Variants in JAM3 observed in about 807,000 individuals in gnomAD.
JAM3 encodes junctional adhesion molecule 3.
A neutral mutation model predicts 39.4 loss-of-function variants in JAM3; 31 were observed. The ratio of observed to expected loss-of-function variants is 0.79; its 90% CI spans 0.59 to 1.06. The LOEUF (loss-of-function observed/expected upper bound fraction) is 1.06. Among genes scored for constraint, JAM3 ranks in the 50% least tolerant of loss-of-function variants. JAM3 has a pLI of 0.00. For synonymous variants in JAM3, 182 were observed against 148.7 expected (o/e 1.22, Z -1.63); for missense variants, 455 against 391.4 (o/e 1.16, Z -1.37).
At chr11:134,111,117 C>T (rs527499711) in intron 1 of JAM3, among the ~76,000 whole-genome samples, 1 of 149,990 alleles carries the variant, frequency 6.7e-6, no homozygotes, top group African/African-American at 2.5e-5. Context: ...CTGTACCATA[C>T]CCAACACACA....
rs1382016909 is a variant in JAM3 at position 134,148,545 on chromosome 11, A to T, written c.713-2A>T. ...GCTTCCACCAAACCTCCTTTTCTTC[A>T]GATGACCTGAACATTGGCGGAATTA... On this transcript the variant is annotated splice_acceptor_variant, in intron 6 of 8. Transcript: ENST00000299106. LOFTEE classifies it high-confidence loss of function. The T allele has an allele frequency of 6.2e-7, 1 of 1,614,158 alleles. No individual in the cohort carries two copies.
intron 1 of JAM3, among the ~76,000 whole-genome samples, chr11:134,120,828 G>A (rs1214181581): frequency 2.6e-5 from 4 of 152,192 alleles, no homozygotes; most frequent in Non-Finnish European, 5.9e-5. Context: ...AAATTTGTGG[G>A]CTGAGACTAA....
Position 134,149,620 on chromosome 11 carries a change from C to A in JAM3, c.*439C>A. 2 of 462,254 alleles carry A rather than the reference C, an allele frequency of 4.3e-6. No homozygotes were observed. The highest frequency in any genetic ancestry group is 8.7e-6 in the Non-Finnish European group (2 of 231,060). 28.6% of individuals were successfully genotyped at this position (462,254 alleles called of 1,614,324 possible). On this transcript the variant is annotated 3_prime_UTR_variant, in exon 9 of 9. Coordinates refer to ENST00000299106, the MANE Select transcript of JAM3 (RefSeq NM_032801.5). ...CACCAGCAGCGCATCCCGGCGGGAA[C>A]CCAGAAAAGGCTTCTTACACAGCAG...
Position 134,149,612 on chromosome 11 carries a change from G to A in JAM3, c.*431G>A, listed in dbSNP as rs780687633. On this transcript the variant is annotated 3_prime_UTR_variant, in exon 9 of 9. Coordinates refer to ENST00000299106, the MANE Select transcript of JAM3 (RefSeq NM_032801.5). Reference sequence around the variant, plus strand: ...CTGGACAGCACCAGCAGCGCATCCCGGCGGGAACCCAGAAAAGGCTTCTTA... The same window carrying A: ...CTGGACAGCACCAGCAGCGCATCCCAGCGGGAACCCAGAAAAGGCTTCTTA... The A allele has an allele frequency of 3.7e-5, 17 of 463,976 alleles. No homozygotes were observed. Among genetic ancestry groups the A allele is most frequent in the South Asian group, 1.9e-4 (12 of 64,654 alleles). The allele number at this position is 463,976 out of a possible 1,614,324, so 28.7% of individuals were successfully genotyped here.
intron 1 of JAM3, among the ~76,000 whole-genome samples, chr11:134,130,596 G>A (rs554816714): frequency 6.6e-6 from 1 of 152,240 alleles, no homozygotes; most frequent in African/African-American, 2.4e-5. Context: ...TCAGTCAAAC[G>A]AAGATTATAG....
At chr11:134,145,201 G>C in intron 5 of JAM3, 1 of 612,942 alleles carries the variant, frequency 1.6e-6, no homozygotes, top group Non-Finnish European at 2.9e-6. Flanking sequence ...GGAAGAGAAA[G>C]AAACCATAGA....
chr11:134,084,421 G>C (rs547982590), intron 1 of JAM3, among the ~76,000 whole-genome samples: 200 of 152,224 alleles, frequency 1.3e-3, no homozygotes, highest in African/African-American at 4.5e-3. Context: ...TAGCTTTGTG[G>C]GGTTGTTTTA....
intron 1 of JAM3, chr11:134,126,572 A>T (rs983167890): frequency 2.0e-5 from 3 of 152,234 alleles, no homozygotes; most frequent in Non-Finnish European, 2.9e-5. Context: ...ACAGAAGTGC[A>T]TGTTGCCTGA....
At chr11:134,069,758 C>T (rs1329610583) in intron 1 of JAM3, among the ~76,000 whole-genome samples, 1 of 152,168 alleles carries the variant, frequency 6.6e-6, no homozygotes, top group Non-Finnish European at 1.5e-5. Context: ...TAGCTGAGGA[C>T]CGGCGAGGCA....
intron 1 of JAM3, chr11:134,123,919 C>T (rs909159556): frequency 8.5e-7 from 1 of 1,182,690 alleles, no homozygotes; most frequent in Non-Finnish European, 1.3e-6. Flanking sequence ...GAATTGAAGG[C>T]CCCCCTTCTT....
chr11:134,105,365 G>T (rs1267324034), intron 1 of JAM3, among the ~76,000 whole-genome samples: 2 of 151,970 alleles, frequency 1.3e-5, no homozygotes, highest in African/African-American at 4.8e-5. Context: ...AAAATAATAA[G>T]AGTTATTTAT....
chr11:134,137,476 T>C (rs147848689), intron 1 of JAM3, among the ~76,000 whole-genome samples: 376 of 152,326 alleles, frequency 2.5e-3, no homozygotes, highest in African/African-American at 7.8e-3. Flanking sequence ...TGTGATTGGG[T>C]TGTCCAGTCA....
chr11:134,146,143 C>A, intron 6 of JAM3, 98 bp downstream of exon 6: 1 of 865,082 alleles, frequency 1.2e-6, no homozygotes, highest in Non-Finnish European at 1.9e-6. Flanking sequence ...ACTCTTCCGC[C>A]ATGGGTTAGC....
chr11:134,085,660 A>C (rs1941736033), intron 1 of JAM3, among the ~76,000 whole-genome samples: 1 of 152,156 alleles, frequency 6.6e-6, no homozygotes, highest in Non-Finnish European at 1.5e-5. Context: ...GTATTGACCT[A>C]CTAATTTAAA....
chr11:134,115,972 G>T (rs1185108788), intron 1 of JAM3, among the ~76,000 whole-genome samples: 1 of 152,116 alleles, frequency 6.6e-6, no homozygotes, highest in African/African-American at 2.4e-5. Flanking sequence ...ATATCAAAGG[G>T]TATATAATAT....
At chr11:134,117,750 A>G (rs1030925959) in intron 1 of JAM3, among the ~76,000 whole-genome samples, 1 of 152,170 alleles carries the variant, frequency 6.6e-6, no homozygotes, top group Admixed American at 6.5e-5. Context: ...ATGGTCTTTG[A>G]TAGGTGAGAT....
chr11:134,105,664 C>CA (rs1942169906), intron 1 of JAM3, among the ~76,000 whole-genome samples: 1 of 152,166 alleles, frequency 6.6e-6, no homozygotes, highest in South Asian at 2.1e-4. Context: ...TCTCAGGATA[C>CA]AAAATCAATG....
intron 1 of JAM3, among the ~76,000 whole-genome samples, chr11:134,133,130 A>G (rs78516497): frequency 2.6e-5 from 4 of 152,184 alleles, no homozygotes; most frequent in African/African-American, 7.2e-5. Context: ...GAAGTTCTGC[A>G]TGTTGGTTTT....
intron 1 of JAM3, chr11:134,070,265 G>C: frequency 2.2e-6 from 1 of 455,006 alleles, no homozygotes; most frequent in South Asian, 1.6e-5. Context: ...TCTTCCCCTG[G>C]CAGCCATCCG....
Sources: allele counts gnomAD v4.1 joint callset (sites outside exome capture counted in the v4.1 genomes callset), GRCh38; gene constraint gnomAD v4.1.1; transcripts MANE v1.5; gene names NCBI Gene and HGNC (gene_info 2026-07-23, HGNC 2026-07-21).